The following ITPR1 variants were observed in gnomAD, a reference collection of about 807,000 sequenced individuals.
The protein encoded by ITPR1 is inositol 1,4,5-trisphosphate receptor type 1, also known as inositol 1,4,5-trisphosphate-gated calcium channel ITPR1.
Under a neutral mutation model 318.4 loss-of-function variants are expected in ITPR1, and 96 were observed. That is an observed-to-expected ratio of 0.30 (90% CI 0.26 to 0.36). ITPR1 has a LOEUF of 0.36. Among genes scored for constraint, ITPR1 ranks in the 10% least tolerant of loss-of-function variants. ITPR1 has a pLI of 1.00. For missense variants in ITPR1, 2,440 were observed against 3,460.2 expected, an observed-to-expected ratio of 0.71 and a Z score of 7.40; for synonymous variants, 1,312 against 1,289.9, an observed-to-expected ratio of 1.02 and a Z score of -0.37.
In ITPR1 at chr3:4,836,794, C is replaced by A; in HGVS notation, c.8049C>A (p.Phe2683Leu). Residue 2683 changes from phenylalanine (F) to leucine (L), a missense_variant, in exon 61 of 62, where the codon TTC becomes TTA. This residue lies in a region of ITPR1 where 72 missense variants were observed against 197.7 expected (regional missense o/e 0.36). Transcript: ENST00000649015. ...EMIKERNLDW[F>L]PRMRAMSLVS... ...TCTAGGAAAGAAACCTTGACTGGTT[C>A]CCCAGGATGAGAGCCATGTCATTGG... 7.2e-7 allele frequency: 1 copy of A among 1,392,182 alleles called. No homozygotes were observed. Among genetic ancestry groups the A allele is most frequent in the South Asian group, 1.9e-5 (1 of 54,022 alleles). The allele number at this position is 1,392,182 out of a possible 1,614,324, so 86.2% of individuals were successfully genotyped here. A position where few individuals can be genotyped will look rare whatever the true frequency, so the allele number is the denominator to read the frequency against.
chr3:4,667,190 A>G (rs907977549), intron 17 of ITPR1, among the ~76,000 whole-genome samples, 187 bp from the exon 18 acceptor site: 2 of 152,208 alleles, frequency 1.3e-5, no homozygotes, highest in African/African-American at 4.8e-5. Context: ...TTAGAAAAGT[A>G]AAGGATGTGA....
chr3:4,660,063 A>G (rs1056892796), intron 13 of ITPR1, among the ~76,000 whole-genome samples: 1 of 152,234 alleles, frequency 6.6e-6, no homozygotes, highest in Non-Finnish European at 1.5e-5. Flanking sequence ...GTGTTCTACA[A>G]GGTGCTAGAC....
chr3:4,680,152 T>A (rs1386608400), intron 24 of ITPR1, among the ~76,000 whole-genome samples: 1 of 151,976 alleles, frequency 6.6e-6, no homozygotes, highest in Non-Finnish European at 1.5e-5. Flanking sequence ...AAAAACAAAT[T>A]TTTTTTTGTT....
At chr3:4,798,999 T>C (rs549235082) in intron 53 of ITPR1, among the ~76,000 whole-genome samples, 1 of 152,362 alleles carries the variant, frequency 6.6e-6, no homozygotes, top group African/African-American at 2.4e-5. Context: ...GTTCTGTATC[T>C]TGACTGTGGT....
chr3:4,778,730 G>T (rs773540558), intron 48 of ITPR1, among the ~76,000 whole-genome samples: 4 of 152,148 alleles, frequency 2.6e-5, no homozygotes, highest in Non-Finnish European at 4.4e-5. Context: ...CTAATCCAGT[G>T]ATCTATGGAT....
chr3:4,835,852 A>G (rs921036504), intron 60 of ITPR1, among the ~76,000 whole-genome samples: 36 of 152,330 alleles, frequency 2.4e-4, no homozygotes, highest in Non-Finnish European at 4.3e-4. Flanking sequence ...AATACTGTTT[A>G]CAGGCATAAG....
At chr3:4,719,343 C>A (rs1183254738) in intron 40 of ITPR1, among the ~76,000 whole-genome samples, 1 of 152,176 alleles carries the variant, frequency 6.6e-6, no homozygotes, top group Non-Finnish European at 1.5e-5. Context: ...TGGATCTGGC[C>A]CTCTCAGCGG....
intron 54 of ITPR1, among the ~76,000 whole-genome samples, chr3:4,805,612 C>T (rs188018640): frequency 9.2e-5 from 14 of 152,218 alleles, no homozygotes; most frequent in Admixed American, 7.9e-4. Context: ...TTGTTGTTTT[C>T]CCTGTGAACT....
chr3:4,674,588 A>G (rs941581271), intron 22 of ITPR1, among the ~76,000 whole-genome samples: 5 of 152,222 alleles, frequency 3.3e-5, no homozygotes, highest in African/African-American at 1.2e-4. Context: ...AAAATGATAG[A>G]ACATCACTTT....
chr3:4,567,000 G>A (rs188764882), intron 4 of ITPR1, among the ~76,000 whole-genome samples: 49 of 152,296 alleles, frequency 3.2e-4, no homozygotes, highest in East Asian at 2.7e-3. Flanking sequence ...TTGAATCCTG[G>A]CAGTGCCACT....
At chr3:4,605,332 T>G (rs1260256856) in intron 4 of ITPR1, among the ~76,000 whole-genome samples, 2 of 152,064 alleles carry the variant, frequency 1.3e-5, no homozygotes, top group Non-Finnish European at 1.5e-5. Context: ...ATAAAAAACA[T>G]GGCAACTGAC....
At chr3:4,818,686 T>G (rs1559951935) in intron 60 of ITPR1, among the ~76,000 whole-genome samples, 3 of 152,212 alleles carry the variant, frequency 2.0e-5, no homozygotes, top group African/African-American at 7.2e-5. Flanking sequence ...GTGTTTGCCC[T>G]CAGCCTCGCC....
chr3:4,567,727 G>A lies in ITPR1; in HGVS notation c.163+46633G>A, dbSNP rs564426567. ...AGTGATCCTCCCACCTCAGCCTCAC[G>A]AGTAGCTGGGACTACAGGCATGCGT... On this transcript the variant is annotated intron_variant, in intron 4 of 61. Coordinates refer to ENST00000649015, the MANE Select transcript of ITPR1 (RefSeq NM_001378452.1). 3.3e-5 allele frequency among the ~76,000 whole-genome samples: 5 copies of A among 152,106 alleles called. 1 individual carries two copies. In the South Asian group the frequency reaches 6.2e-4, roughly 19 times the overall value.
chr3:4,618,167 A>C (rs532261046), intron 4 of ITPR1, among the ~76,000 whole-genome samples: 1 of 152,294 alleles, frequency 6.6e-6, no homozygotes, highest in African/African-American at 2.4e-5. Flanking sequence ...GACTGTAGTA[A>C]ATGCCACTGA....
At chr3:4,591,677 G>A (rs2090408329) in intron 4 of ITPR1, among the ~76,000 whole-genome samples, 1 of 152,174 alleles carries the variant, frequency 6.6e-6, no homozygotes, top group African/African-American at 2.4e-5. Context: ...TTTTTTGATA[G>A]GGTGTGGAAG....
At chr3:4,762,202 C>T (rs1197055626) in intron 44 of ITPR1, among the ~76,000 whole-genome samples, 1 of 152,206 alleles carries the variant, frequency 6.6e-6, no homozygotes, top group Non-Finnish European at 1.5e-5. Context: ...AGAAGTCTCA[C>T]TATGTTGCCC....
At chr3:4,675,320 C>G in intron 23 of ITPR1, 72 bp downstream of exon 23, 1 of 1,048,782 alleles carries the variant, frequency 9.5e-7, no homozygotes. Context: ...ATGTCATACC[C>G]TATATGTGAT....
intron 3 of ITPR1, among the ~76,000 whole-genome samples, chr3:4,518,151 C>T (rs1301834766): frequency 6.6e-6 from 1 of 152,090 alleles, no homozygotes; most frequent in African/African-American, 2.4e-5. Context: ...CTTGTCTGCC[C>T]GCAGCTCTCC....
At chr3:4,741,105 TG>T (rs1342090489) in intron 44 of ITPR1, among the ~76,000 whole-genome samples, 6 of 152,166 alleles carry the variant, frequency 3.9e-5, no homozygotes, top group Admixed American at 1.3e-4. Flanking sequence ...CACCAGCGCC[TG>T]GGGGAAGTTC....
Sources: gnomAD v4.1 joint callset for allele counts (sites outside exome capture counted in the v4.1 genomes callset) on GRCh38, gnomAD v4.1.1 for gene constraint, gnomAD v4.1.1 regional missense constraint, MANE v1.5 for transcripts, NCBI Gene and HGNC (gene_info 2026-07-23, HGNC 2026-07-21) for gene names.